The following NSD1 variants were observed in gnomAD, a reference collection of about 807,000 sequenced individuals.
NSD1 encodes the protein histone-lysine N-methyltransferase, H3 lysine-36 specific.
Under a neutral mutation model 242.7 loss-of-function variants are expected in NSD1, and 26 were observed. The ratio of observed to expected loss-of-function variants is 0.11; its 90% CI spans 0.08 to 0.15. The LOEUF is 0.15. Ranked by LOEUF, NSD1 falls within the 10% of genes least tolerant of loss-of-function variation. The pLI, the probability that NSD1 is intolerant of heterozygous loss-of-function variation, is 1.00. For missense variants in NSD1, 2,495 were observed against 3,272.8 expected (o/e 0.76, Z 5.80); for synonymous variants, 1,106 against 1,178.1 (o/e 0.94, Z 1.25).
intron 5 of NSD1, among the ~76,000 whole-genome samples, chr5:177,225,014 G>A (rs1160481902): frequency 1.3e-5 from 2 of 152,076 alleles, no homozygotes; most frequent in African/African-American, 4.8e-5. Context: ...ACTTGGTCAT[G>A]TTGTGTAATG....
rs1466700486 is a variant in NSD1, at chr5:177,149,442, ACTC to A, written c.927+13415_927+13417del. 1.3e-4 allele frequency among the ~76,000 whole-genome samples: 19 copies of A among 150,880 alleles called. No homozygotes were observed. In the East Asian group the frequency reaches 3.5e-3, roughly 28 times the overall value. ...ACCACGTTGGCCAGGCTGTTCTTGAACTCCTGACCTCAGGTGAGCTGCCCACCT... is the reference window on the plus strand; with the variant it reads ...ACCACGTTGGCCAGGCTGTTCTTGAACTGACCTCAGGTGAGCTGCCCACCT... On this transcript the variant is annotated intron_variant, in intron 2 of 22. Coordinates refer to ENST00000439151, the MANE Select transcript of NSD1 (RefSeq NM_022455.5).
chr5:177,151,331 C>T (rs1243083961), intron 2 of NSD1, among the ~76,000 whole-genome samples: 1 of 152,134 alleles, frequency 6.6e-6, no homozygotes, highest in Non-Finnish European at 1.5e-5. Flanking sequence ...TTGCAGTGAG[C>T]CAAGATTGTG....
At chr5:177,252,288 T>A (rs1348988486) in intron 12 of NSD1, among the ~76,000 whole-genome samples, 1 of 152,180 alleles carries the variant, frequency 6.6e-6, no homozygotes, top group African/African-American at 2.4e-5. Context: ...TAAGAGGGCT[T>A]CTTGGTTACT....
chr5:177,277,858 A>G (rs1758523391), intron 17 of NSD1, among the ~76,000 whole-genome samples: 1 of 152,170 alleles, frequency 6.6e-6, no homozygotes. Flanking sequence ...ACAAAAACAA[A>G]TATATATTTG....
intron 8 of NSD1, among the ~76,000 whole-genome samples, chr5:177,243,549 G>T (rs1177278257): frequency 1.3e-5 from 2 of 152,190 alleles, no homozygotes; most frequent in Non-Finnish European, 2.9e-5. Context: ...TGAGCCTGTG[G>T]ATCTCTGGGT....
intron 21 of NSD1, among the ~76,000 whole-genome samples, chr5:177,289,642 T>G (rs1356995222): frequency 6.6e-6 from 1 of 152,152 alleles, no homozygotes; most frequent in Non-Finnish European, 1.5e-5. Context: ...AGTTTAAGCT[T>G]CTAAATGTAG....
chr5:177,283,710 T>C (rs1339226703), intron 19 of NSD1, 77 bp from the exon 20 acceptor site: 35 of 1,504,778 alleles, frequency 2.3e-5, no homozygotes, highest in Non-Finnish European at 3.1e-5. Flanking sequence ...CTCCAACTTA[T>C]TAGAGAGAAT....
At chr5:177,195,894 A>G (rs1231172271) in intron 3 of NSD1, among the ~76,000 whole-genome samples, 2 of 152,166 alleles carry the variant, frequency 1.3e-5, no homozygotes, top group Admixed American at 1.3e-4. Context: ...ATACATCTAT[A>G]CTGCTTGCTC....
chr5:177,288,993 C>A, intron 21 of NSD1, 68 bp downstream of exon 21: 4 of 1,058,480 alleles, frequency 3.8e-6, no homozygotes, highest in Non-Finnish European at 5.9e-6. Flanking sequence ...AGTGTTAGGG[C>A]AGTCTACATT....
chr5:177,161,680 C>CTTTTTTTTTTTTTTTTTTTTTTT (rs57657595), intron 2 of NSD1, among the ~76,000 whole-genome samples: 3 of 135,240 alleles, frequency 2.2e-5, no homozygotes, highest in African/African-American at 5.6e-5. Flanking sequence ...TTCTTTCTTT[C>CTTTTTTTTTTTTTTTTTTTTTTT]TTTTTTTTTT....
rs146363835 is a variant in NSD1 at position 177,173,536 on chromosome 5, C to T, written c.928-18348C>T. 4.4e-3 allele frequency among the ~76,000 whole-genome samples: 615 copies of T among 139,990 alleles called. 2 individuals are homozygous for T. The highest frequency in any genetic ancestry group is 0.015 in the African/African-American group (563 of 36,406). 91.8% of individuals were successfully genotyped at this position (139,990 alleles called of 152,430 possible). ...TTGCCGAGGCTGGAGTGCAATGGCA[C>T]GATCTCGGCTCACCGCAACCTCTGC... On this transcript the variant is annotated intron_variant, in intron 2 of 22. Coordinates refer to ENST00000439151, the MANE Select transcript of NSD1 (RefSeq NM_022455.5).
At chr5:177,157,491 G>A (rs953608449) in intron 2 of NSD1, among the ~76,000 whole-genome samples, 1 of 151,952 alleles carries the variant, frequency 6.6e-6, no homozygotes, top group African/African-American at 2.4e-5. Flanking sequence ...TGAGGTCAGG[G>A]AGTTTGAGAC....
chr5:177,272,048 C>T (rs746841191), intron 16 of NSD1, among the ~76,000 whole-genome samples: 2 of 151,968 alleles, frequency 1.3e-5, no homozygotes, highest in Non-Finnish European at 2.9e-5. Context: ...CGCTGGAACC[C>T]GGGAGGCAGA....
At chr5:177,193,966 G>A (rs905436078) in intron 3 of NSD1, among the ~76,000 whole-genome samples, 3 of 151,808 alleles carry the variant, frequency 2.0e-5, no homozygotes, top group East Asian at 3.9e-4. Context: ...TAGTAGAGAC[G>A]GGGTTTCACC....
chr5:177,163,217 A>AAGTGATT (rs1345467583), intron 2 of NSD1, among the ~76,000 whole-genome samples: 2 of 145,074 alleles, frequency 1.4e-5, no homozygotes, highest in Non-Finnish European at 3.0e-5. Context: ...ATCTCGGCTC[A>AAGTGATT]CTGCAACGTC....
chr5:177,259,901 G>T, intron 13 of NSD1, 88 bp from the exon 14 acceptor site: 1 of 1,434,118 alleles, frequency 7.0e-7, no homozygotes, highest in Non-Finnish European at 9.7e-7. Context: ...TTTTTTCAGT[G>T]CTAACAAATA....
At chr5:177,250,489 T>G (rs1388740802) in intron 11 of NSD1, among the ~76,000 whole-genome samples, 1 of 152,192 alleles carries the variant, frequency 6.6e-6, no homozygotes, top group Non-Finnish European at 1.5e-5. Flanking sequence ...GTCTATAACA[T>G]TTAGTTAATG....
intron 5 of NSD1, chr5:177,221,103 C>G: frequency 2.3e-6 from 1 of 442,924 alleles, no homozygotes; most frequent in Non-Finnish European, 4.5e-6. Flanking sequence ...GAACTCCTAG[C>G]CTGAAATGAT....
At chr5:177,206,906 TA>T (rs1762910838) in intron 4 of NSD1, among the ~76,000 whole-genome samples, 1 of 151,844 alleles carries the variant, frequency 6.6e-6, no homozygotes, top group African/African-American at 2.4e-5. Context: ...ATCCTTTCTT[TA>T]AGAGGAGGCT....
Sources: allele counts gnomAD v4.1 joint callset (sites outside exome capture counted in the v4.1 genomes callset), GRCh38; gene constraint gnomAD v4.1.1; transcripts MANE v1.5; gene names NCBI Gene and HGNC (gene_info 2026-07-23, HGNC 2026-07-21).